The following STPG2 variants were observed in gnomAD, a reference collection of about 807,000 sequenced individuals.
STPG2 encodes sperm-tail PG-rich repeat-containing protein 2.
STPG2 carries 56 observed loss-of-function variants against 54.2 expected under a neutral mutation model. The observed-to-expected ratio is 1.03, with a 90% confidence interval of 0.83 to 1.29. The LOEUF (loss-of-function observed/expected upper bound fraction) is 1.29. Among genes scored for constraint, STPG2 ranks in the 50% most tolerant of loss-of-function variants. STPG2 has a pLI of 0.00. For synonymous variants in STPG2, 200 were observed against 181.8 expected, an observed-to-expected ratio of 1.10 and a Z score of -0.81; for missense variants, 596 against 544.9, an observed-to-expected ratio of 1.09 and a Z score of -0.93.
chr4:97,923,102 C>T (rs565840953), intron 8 of STPG2, among the ~76,000 whole-genome samples: 1 of 152,386 alleles, frequency 6.6e-6, no homozygotes, highest in African/African-American at 2.4e-5. Flanking sequence ...GCAGCCCTCG[C>T]AGCCCTCGCT....
chr4:97,684,578 T>G (rs1296348121), intron 10 of STPG2, among the ~76,000 whole-genome samples: 4 of 151,970 alleles, frequency 2.6e-5, no homozygotes, highest in Admixed American at 2.6e-4. Flanking sequence ...ACCTTACATC[T>G]TTTACAAAAA....
intron 8 of STPG2, among the ~76,000 whole-genome samples, chr4:97,852,784 G>C (rs1284217768): frequency 6.6e-6 from 1 of 151,858 alleles, no homozygotes; most frequent in African/African-American, 2.4e-5. Context: ...CAAGAAGAAA[G>C]GAACATTGTC....
intron 10 of STPG2, among the ~76,000 whole-genome samples, chr4:97,663,417 AT>A (rs1310955303): frequency 6.6e-6 from 1 of 152,212 alleles, no homozygotes. Flanking sequence ...AATTCAGCAA[AT>A]ATCCTAAAAT....
chr4:97,544,763 T>TA (rs1731797927), intron 4 of STPG2, among the ~76,000 whole-genome samples: 1 of 152,054 alleles, frequency 6.6e-6, no homozygotes, highest in African/African-American at 2.4e-5. Context: ...AACAGAAAGT[T>TA]AAACATGCTG....
intron 5 of STPG2, among the ~76,000 whole-genome samples, chr4:98,044,139 G>GTATAA (rs1737045279): frequency 2.0e-5 from 3 of 151,944 alleles, no homozygotes; most frequent in Admixed American, 2.0e-4. Flanking sequence ...TATTTGTTAT[G>GTATAA]TATATATTAG....
intron 4 of STPG2, among the ~76,000 whole-genome samples, chr4:97,551,664 C>A (rs1731968711): frequency 6.6e-6 from 1 of 152,204 alleles, no homozygotes; most frequent in Non-Finnish European, 1.5e-5. Context: ...TCTCCGCTTT[C>A]TAATTGATAA....
At chr4:97,856,283 T>C (rs1255454900) in intron 8 of STPG2, among the ~76,000 whole-genome samples, 2 of 152,190 alleles carry the variant, frequency 1.3e-5, no homozygotes, top group Non-Finnish European at 2.9e-5. Context: ...ATGATATTGA[T>C]TCTTATCCAT....
At chr4:97,559,475 T>C (rs982402625) in intron 10 of STPG2, among the ~76,000 whole-genome samples, 14 of 152,218 alleles carry the variant, frequency 9.2e-5, no homozygotes, top group Admixed American at 8.5e-4. Context: ...TAATAGGATA[T>C]GGCTTACTTG....
At chr4:97,894,451 T>C (rs1483408956) in intron 8 of STPG2, among the ~76,000 whole-genome samples, 1 of 151,860 alleles carries the variant, frequency 6.6e-6, no homozygotes, top group Non-Finnish European at 1.5e-5. Context: ...AGAAGAAAAT[T>C]TCCTTTCTAA....
At chr4:97,452,654 C>T (rs1344310646) in intron 4 of STPG2, among the ~76,000 whole-genome samples, 2 of 152,180 alleles carry the variant, frequency 1.3e-5, no homozygotes, top group Non-Finnish European at 2.9e-5. Flanking sequence ...AGAGGAGCTA[C>T]CCACTCTAGG....
chr4:97,713,347 G>A (rs868474243), intron 9 of STPG2, among the ~76,000 whole-genome samples: 2 of 152,176 alleles, frequency 1.3e-5, no homozygotes, highest in Admixed American at 6.6e-5. Flanking sequence ...AAGCCAATGG[G>A]TTCCAACTTG....
At chr4:97,810,413 G>C (rs193067374) in intron 9 of STPG2, among the ~76,000 whole-genome samples, 2 of 148,262 alleles carry the variant, frequency 1.3e-5, no homozygotes, top group African/African-American at 2.5e-5. Context: ...GCAGTGAGCC[G>C]AGATTGCACC....
chr4:97,684,535 C>A (rs115362252), intron 10 of STPG2, among the ~76,000 whole-genome samples: 2,794 of 151,822 alleles, frequency 0.018, 79 homozygotes, highest in African/African-American at 0.064. Context: ...GACATTCACA[C>A]GCAAAAAATA....
At chr4:98,005,935 A>C (rs575836470) in intron 5 of STPG2, among the ~76,000 whole-genome samples, 1 of 152,336 alleles carries the variant, frequency 6.6e-6, no homozygotes, top group East Asian at 1.9e-4. Context: ...AGAGTTTAAG[A>C]AGGATTGGTG....
chr4:98,051,323 C>T (rs1019116753), intron 5 of STPG2, among the ~76,000 whole-genome samples: 24 of 152,102 alleles, frequency 1.6e-4, no homozygotes, highest in African/African-American at 9.7e-5. Context: ...AGAAGAAAAA[C>T]GATCACAAAA....
At chr4:98,072,895 G>T (rs2555391) in intron 5 of STPG2, among the ~76,000 whole-genome samples, 141,449 of 152,252 alleles carry the variant, frequency 0.93, 65,874 homozygotes, top group East Asian at 1. Context: ...AGTTCCACAC[G>T]TATTAGTCGT....
chr4:97,489,746 G>T (rs1730457947), intron 4 of STPG2: 1 of 151,466 alleles, frequency 6.6e-6, no homozygotes, highest in Non-Finnish European at 1.5e-5. Context: ...AAACATACAG[G>T]GAAATAATTC....
intron 10 of STPG2, among the ~76,000 whole-genome samples, chr4:97,693,242 C>T (rs1723436551): frequency 1.3e-5 from 2 of 151,706 alleles, no homozygotes; most frequent in South Asian, 2.1e-4. Flanking sequence ...AAATGCTCCA[C>T]TTAAAAGTTA....
Position 98,132,948 on chromosome 4 carries a change from TA to T in STPG2, c.222+1398del, listed in dbSNP as rs200375140. 5.8e-3 allele frequency among the ~76,000 whole-genome samples: 589 copies of T among 101,518 alleles called. 1 individual carries two copies. Among genetic ancestry groups the T allele is most frequent in the African/African-American group, 8.0e-3 (231 of 28,954 alleles). 66.6% of individuals were successfully genotyped at this position (101,518 alleles called of 152,430 possible). On this transcript the variant is annotated intron_variant, in intron 2 of 10. Coordinates refer to ENST00000295268, the MANE Select transcript of STPG2 (RefSeq NM_174952.3). ...AAAAATTTTTACCCCTGAAATGAAC[TA>T]AAAAAAAAAAAAAAAAAAAAAAAGT...
Sources: allele counts gnomAD v4.1 joint callset (sites outside exome capture counted in the v4.1 genomes callset), GRCh38; gene constraint gnomAD v4.1.1; transcripts MANE v1.5; gene names NCBI Gene and HGNC (gene_info 2026-07-23, HGNC 2026-07-21).